Variants in PSD2 observed in about 807,000 individuals in gnomAD.
PSD2 encodes the protein PH and SEC7 domain-containing protein 2.
PSD2 carries 38 observed loss-of-function variants against 69.8 expected under a neutral mutation model. That is an observed-to-expected ratio of 0.54 (90% CI 0.42 to 0.71). The LOEUF (loss-of-function observed/expected upper bound fraction) is 0.71, where lower values mean the gene tolerates loss of function less well. Among genes scored for constraint, PSD2 ranks in the 30% least tolerant of loss-of-function variants. The pLI, the probability that PSD2 is intolerant of heterozygous loss-of-function variation, is 0.00. For missense variants in PSD2, 943 were observed against 1,014.5 expected, an observed-to-expected ratio of 0.93 and a Z score of 0.96; for synonymous variants, 412 against 423.0, an observed-to-expected ratio of 0.97 and a Z score of 0.32.
chr5:139,789,989 G>C, the PSD2 span, among the ~76,000 whole-genome samples: 1 of 150,626 alleles, frequency 6.6e-6, no homozygotes, highest in Non-Finnish European at 1.5e-5. Flanking sequence ...AGAGCAGCAC[G>C]GGGCCGGGCG....
the PSD2 span, among the ~76,000 whole-genome samples, chr5:139,788,280 C>G: frequency 6.6e-6 from 1 of 151,936 alleles, no homozygotes; most frequent in Non-Finnish European, 1.5e-5. Context: ...GGGCAGGACT[C>G]GACATGTCCC....
the PSD2 span, among the ~76,000 whole-genome samples, chr5:139,750,947 T>A: frequency 1.3e-5 from 2 of 152,156 alleles, no homozygotes; most frequent in Non-Finnish European, 2.9e-5. Context: ...AATGCCATTA[T>A]AGATGGGGGA....
At chr5:139,835,198 G>A (rs112518127) in intron 8 of PSD2, among the ~76,000 whole-genome samples, 327 of 149,126 alleles carry the variant, frequency 2.2e-3, no homozygotes, top group African/African-American at 7.7e-3. Context: ...CCAACACCCT[G>A]CCATTCATTT....
At chr5:139,797,089 G>C (rs1285993678) in intron 1 of PSD2, among the ~76,000 whole-genome samples, 2 of 152,214 alleles carry the variant, frequency 1.3e-5, no homozygotes, top group Non-Finnish European at 2.9e-5. Context: ...GGCAGTTGCA[G>C]TCGTTCTTTC....
chr5:139,764,457 G>C, the PSD2 span, among the ~76,000 whole-genome samples: 1 of 152,270 alleles, frequency 6.6e-6, no homozygotes, highest in South Asian at 2.1e-4. Flanking sequence ...TCCGTGTCCC[G>C]GGGGTCTGGC....
chr5:139,773,480 T>C, the PSD2 span, among the ~76,000 whole-genome samples: 1 of 152,134 alleles, frequency 6.6e-6, no homozygotes, highest in Non-Finnish European at 1.5e-5. Context: ...AGGCTGGTCT[T>C]GAACTCCTGA....
intron 8 of PSD2, 23 bp from the exon 9 acceptor site, chr5:139,835,700 C>T: frequency 6.2e-6 from 10 of 1,613,130 alleles, no homozygotes; most frequent in Non-Finnish European, 7.6e-6. Context: ...TGAATTCCCC[C>T]CTCTCTCTTT....
chr5:139,759,763 G>A, the PSD2 span, among the ~76,000 whole-genome samples: 7 of 152,238 alleles, frequency 4.6e-5, no homozygotes, highest in African/African-American at 1.7e-4. Flanking sequence ...TGTATACACT[G>A]TGTTTCTTCC....
the PSD2 span, among the ~76,000 whole-genome samples, chr5:139,748,792 G>T: frequency 1.3e-5 from 2 of 152,226 alleles, no homozygotes; most frequent in Admixed American, 1.3e-4. Context: ...TCTGATTGCC[G>T]AGTAAATCAC....
intron 1 of PSD2, among the ~76,000 whole-genome samples, chr5:139,808,200 G>T (rs1759860252): frequency 1.3e-5 from 2 of 152,234 alleles, no homozygotes; most frequent in Admixed American, 1.3e-4. Context: ...ATTTGGAGGG[G>T]CTGATCTGTG....
chr5:139,822,503 C>A (rs1306309409), intron 6 of PSD2, among the ~76,000 whole-genome samples: 12 of 152,154 alleles, frequency 7.9e-5, no homozygotes, highest in Admixed American at 7.9e-4. Context: ...GGAGTCTGGG[C>A]CAGAGTGGGT....
the PSD2 span, among the ~76,000 whole-genome samples, chr5:139,765,500 G>A: frequency 3.3e-5 from 5 of 152,116 alleles, no homozygotes; most frequent in East Asian, 1.9e-4. Flanking sequence ...CTACAATCTC[G>A]TTCTGCCCAG....
In PSD2 at chr5:139,842,297, C is replaced by T. The variant is rs1204942573; in HGVS notation, c.2139C>T (p.His713=). ...AAAGCCGTTATGAGACCTATATCCA[C>T]CTCCTGGCTATGAAAATCAAAGTGG... is the stretch of plus-strand genomic sequence containing the variant. ...FEKSRYETYI[H]LLAMKIKVGS... Residue 713 remains histidine (H), a synonymous_variant, in exon 15 of 15, where the codon CAC becomes CAT. Coordinates refer to ENST00000274710, the MANE Select transcript of PSD2 (RefSeq NM_032289.4). 1 of 1,614,090 alleles carries T rather than the reference C, an allele frequency of 6.2e-7. No individual in the cohort carries two copies.
chr5:139,822,903 G>A, intron 7 of PSD2, 119 bp downstream of exon 7: 1 of 815,300 alleles, frequency 1.2e-6, no homozygotes, highest in Non-Finnish European at 1.8e-6. Context: ...GAAGCGGTGG[G>A]GGTTGGGCAG....
chr5:139,809,667 C>G lies in PSD2; in HGVS notation c.227C>G (p.Ser76Cys), dbSNP rs771016404. 2.8e-5 allele frequency: 45 copies of G among 1,614,148 alleles called. No individual in the cohort carries two copies. The highest frequency in any genetic ancestry group is 3.7e-5 in the Non-Finnish European group (44 of 1,180,060). The change falls in exon 2 of 15, where the codon TCT (serine) becomes TGT (cysteine). Residue 76 changes from serine to cysteine, a missense_variant. Transcript: ENST00000274710. ...TTCCATGGCCTCAGCCTTGGCCTCT[C>G]TCTCACCAATGGCCTAGCCCTGGGG... Reference protein sequence around the residue: ...VAFHGLSLGLSLTNGLALGPD... With the variant: ...VAFHGLSLGLCLTNGLALGPD...
the PSD2 span, among the ~76,000 whole-genome samples, chr5:139,757,844 G>C: frequency 2.0e-5 from 3 of 152,164 alleles, no homozygotes; most frequent in African/African-American, 7.2e-5. Context: ...GGAGAATGGA[G>C]GAGTACAGGT....
chr5:139,774,439 G>A, the PSD2 span, among the ~76,000 whole-genome samples: 1 of 152,118 alleles, frequency 6.6e-6, no homozygotes, highest in Non-Finnish European at 1.5e-5. Flanking sequence ...TGGTTTAAGA[G>A]GTGGGCAGGG....
intron 1 of PSD2, among the ~76,000 whole-genome samples, chr5:139,804,957 GTA>G (rs1362670320): frequency 3.3e-5 from 5 of 151,506 alleles, no homozygotes; most frequent in African/African-American, 4.9e-5. Context: ...GTGTGCGTGT[GTA>G]TGTGTGCGTG....
chr5:139,805,440 G>A (rs1008339041), intron 1 of PSD2, among the ~76,000 whole-genome samples: 1 of 152,216 alleles, frequency 6.6e-6, no homozygotes, highest in Admixed American at 6.5e-5. Flanking sequence ...GGCCTGCTGT[G>A]TGCCAAGCAT....
Sources: gnomAD v4.1 joint callset for allele counts (sites outside exome capture counted in the v4.1 genomes callset) on GRCh38, gnomAD v4.1.1 for gene constraint, MANE v1.5 for transcripts, NCBI Gene and HGNC (gene_info 2026-07-23, HGNC 2026-07-21) for gene names.